The following PARD3B variants were observed in gnomAD, a reference collection of about 807,000 sequenced individuals.
PARD3B encodes partitioning defective 3 homolog B.
A neutral mutation model predicts 130.2 loss-of-function variants in PARD3B; 103 were observed. The observed-to-expected ratio is 0.79, with a 90% confidence interval of 0.67 to 0.93. The LOEUF (loss-of-function observed/expected upper bound fraction) is 0.93, where lower values mean the gene tolerates loss of function less well. Among genes scored for constraint, PARD3B ranks in the 40% least tolerant of loss-of-function variants. The pLI, the probability that PARD3B is intolerant of heterozygous loss-of-function variation, is 0.00. For missense variants in PARD3B, 1,609 were observed against 1,499.2 expected (o/e 1.07, Z -1.21); for synonymous variants, 583 against 553.2 (o/e 1.05, Z -0.76).
rs1402105008 is a variant in PARD3B, at chr2:205,568,510, C to G, written c.3260+15107C>G. 2.6e-5 allele frequency among the ~76,000 whole-genome samples: 4 copies of G among 152,184 alleles called. No individual in the cohort carries two copies. Among genetic ancestry groups the G allele is most frequent in the Non-Finnish European group, 5.9e-5 (4 of 68,020 alleles). On this transcript the variant is annotated intron_variant, in intron 22 of 22. Coordinates refer to ENST00000406610, the MANE Select transcript of PARD3B (RefSeq NM_001302769.2). The surrounding 1 kb of genome is among the most constrained non-coding windows in gnomAD (Gnocchi z 5.3). ...CTGAAATACAGCAGCACCTCTGGGACACTCCTGGGATTAGGAAAGCCTCTG... is the reference window on the plus strand; with the variant it reads ...CTGAAATACAGCAGCACCTCTGGGAGACTCCTGGGATTAGGAAAGCCTCTG...
intron 20 of PARD3B, among the ~76,000 whole-genome samples, chr2:205,495,568 A>G (rs2049894593): frequency 6.6e-6 from 1 of 152,210 alleles, no homozygotes; most frequent in Non-Finnish European, 1.5e-5. Flanking sequence ...TATTTCTAGA[A>G]TCAGTGCTGC....
intron 21 of PARD3B, among the ~76,000 whole-genome samples, chr2:205,506,068 C>G (rs1575189780): frequency 6.6e-6 from 1 of 152,168 alleles, no homozygotes; most frequent in African/African-American, 2.4e-5. Context: ...GGCACAGTGG[C>G]TCACGCCTGT....
At position 205,245,885 on chromosome 2, in the gene PARD3B, A is replaced by G. The variant is rs879229285; in HGVS notation, c.2185+63A>G. On this transcript the variant is annotated intron_variant, in intron 16 of 22. Transcript: ENST00000406610. ...TGGAAATCACTGGCTGTGTTTTAGT[A>G]GCAGTTGGAACCTGTTTCTATCCAC... 36 of 1,390,576 alleles carry G rather than the reference A, an allele frequency of 2.6e-5. No individual in the cohort carries two copies. In the South Asian group the frequency reaches 4.2e-4, roughly 16 times the overall value. The allele number at this position is 1,390,576 out of a possible 1,614,324, so 86.1% of individuals were successfully genotyped here.
At chr2:204,976,495 C>T (rs1692166543) in intron 3 of PARD3B, among the ~76,000 whole-genome samples, 1 of 151,378 alleles carries the variant, frequency 6.6e-6, no homozygotes, top group Non-Finnish European at 1.5e-5. Flanking sequence ...CTGTCTGCCA[C>T]ATAATAGGTG....
chr2:205,349,845 A>T (rs1360950031), intron 18 of PARD3B, among the ~76,000 whole-genome samples: 12 of 128,516 alleles, frequency 9.3e-5, no homozygotes, highest in Non-Finnish European at 1.7e-4. Flanking sequence ...CAAAAGGAGG[A>T]GAGTGATATT....
chr2:205,290,559 T>G (rs954015903), intron 16 of PARD3B, among the ~76,000 whole-genome samples: 1 of 152,212 alleles, frequency 6.6e-6, no homozygotes. Flanking sequence ...CTCAGGAATG[T>G]GAAGGGAAAT....
At chr2:204,662,773 A>G (rs1467036523) in intron 1 of PARD3B, among the ~76,000 whole-genome samples, 1 of 152,210 alleles carries the variant, frequency 6.6e-6, no homozygotes, top group Non-Finnish European at 1.5e-5. Context: ...CTCTGCCATT[A>G]TTCATGCTAA....
chr2:204,989,833 G>A (rs1390485494), intron 3 of PARD3B, among the ~76,000 whole-genome samples: 1 of 151,940 alleles, frequency 6.6e-6, no homozygotes, highest in Non-Finnish European at 1.5e-5. Context: ...TAAAAAAATG[G>A]ATATTTGCAT....
At chr2:204,742,118 G>A (rs764029781) in intron 2 of PARD3B, among the ~76,000 whole-genome samples, 6 of 152,090 alleles carry the variant, frequency 3.9e-5, no homozygotes, top group Non-Finnish European at 8.8e-5. Flanking sequence ...CACTGTCTAA[G>A]GATTTGCAAT....
chr2:205,217,894 A>ATATATATATATT (rs1559553191), intron 15 of PARD3B, among the ~76,000 whole-genome samples: 3 of 31,064 alleles, frequency 9.7e-5, no homozygotes, highest in Non-Finnish European at 1.7e-4. Context: ...ATATATATAT[A>ATATATATATATT]TTTTTTTTTT....
intron 16 of PARD3B, among the ~76,000 whole-genome samples, chr2:205,277,228 C>T (rs1409624273): frequency 6.6e-6 from 1 of 152,200 alleles, no homozygotes; most frequent in African/African-American, 2.4e-5. Context: ...GGTATATACA[C>T]AAACAATGTA....
In PARD3B at chr2:205,615,649, A is replaced by G. The variant is rs559850700; in HGVS notation, c.3454A>G (p.Lys1152Glu). ...CCCACCCCCGCCAGCTCCCCAGCAC[A>G]AAGGACCCTTTCGACAAGACGTTCC... ...HYPPPPAPQH[K>E]GPFRQDVPPS... is the part of the protein sequence containing the mutation. The change falls in exon 23 of 23, where the codon AAA becomes GAA. Residue 1152 changes from lysine to glutamate, a missense_variant. Coordinates refer to ENST00000406610, the MANE Select transcript of PARD3B (RefSeq NM_001302769.2). 6.2e-7 allele frequency: 1 copy of G among 1,613,758 alleles called. No homozygotes were observed.
intron 15 of PARD3B, among the ~76,000 whole-genome samples, chr2:205,231,741 G>A (rs1433742991): frequency 8.5e-5 from 13 of 152,190 alleles, no homozygotes; most frequent in Admixed American, 8.5e-4. Context: ...AAGAAATGGA[G>A]CTATGAGTCA....
chr2:204,685,324 A>G (rs182533195), intron 1 of PARD3B, among the ~76,000 whole-genome samples: 68 of 152,176 alleles, frequency 4.5e-4, no homozygotes, highest in African/African-American at 1.5e-3. Flanking sequence ...TAGCTTGGGG[A>G]TTATGGTAAA....
chr2:205,473,826 ATTC>A lies in PARD3B; in HGVS notation c.3045-26067_3045-26065del. 6.6e-6 allele frequency among the ~76,000 whole-genome samples: 1 copy of A among 150,558 alleles called. No individual in the cohort carries two copies. Among genetic ancestry groups the A allele is most frequent in the Non-Finnish European group, 1.5e-5 (1 of 67,604 alleles). On this transcript the variant is annotated intron_variant, in intron 20 of 22. Transcript: ENST00000406610. The surrounding 1 kb of genome is among the most constrained non-coding windows in gnomAD (Gnocchi z 4.9). ...CCTGTTGTCTTACGAAAGGGGAGAT[ATTC>A]TTTTCTTTGTTACGTTTAAATGAAC...
chr2:205,365,458 G>A (rs1424067248), intron 18 of PARD3B, among the ~76,000 whole-genome samples: 2 of 150,220 alleles, frequency 1.3e-5, no homozygotes, highest in Non-Finnish European at 3.0e-5. Context: ...AAAACACACA[G>A]CATCGAATCC....
chr2:204,599,556 A>G (rs1049347392), intron 1 of PARD3B, among the ~76,000 whole-genome samples: 1 of 152,006 alleles, frequency 6.6e-6, no homozygotes, highest in Non-Finnish European at 1.5e-5. Flanking sequence ...TCCATTGTGT[A>G]TATATGCCAC....
At chr2:205,604,715 C>T (rs999969236) in intron 22 of PARD3B, among the ~76,000 whole-genome samples, 8 of 152,026 alleles carry the variant, frequency 5.3e-5, no homozygotes, top group African/African-American at 1.2e-4. Context: ...AGTATCTTAC[C>T]GGTGTTCTCT....
At chr2:205,583,375 C>CTGTGTGTGTG (rs1553553093) in intron 22 of PARD3B, among the ~76,000 whole-genome samples, 4 of 23,434 alleles carry the variant, frequency 1.7e-4, no homozygotes. Flanking sequence ...TCCTCCTAAG[C>CTGTGTGTGTG]TCTGTGTGTG....
Sources: gnomAD v4.1 joint callset for allele counts (sites outside exome capture counted in the v4.1 genomes callset) on GRCh38, gnomAD v4.1.1 for gene constraint, Gnocchi (gnomAD v3.1) non-coding constraint, MANE v1.5 for transcripts, NCBI Gene and HGNC (gene_info 2026-07-23, HGNC 2026-07-21) for gene names.